The following FBXO9 variants were observed in gnomAD, a reference collection of about 807,000 sequenced individuals.
FBXO9 encodes F-box protein 9, also known as F-box only protein 9.
A neutral mutation model predicts 63.7 loss-of-function variants in FBXO9; 43 were observed. The observed-to-expected ratio is 0.67, with a 90% CI of 0.53 to 0.87. FBXO9 has a LOEUF of 0.87. FBXO9 is among the 40% of genes least tolerant of loss of function. The probability of loss-of-function intolerance (pLI) is 0.00; values close to 1 mark genes in which losing one functional copy is unlikely to be tolerated. For synonymous variants in FBXO9, 156 were observed against 171.7 expected, an observed-to-expected ratio of 0.91 and a Z score of 0.72; for missense variants, 442 against 533.2, an observed-to-expected ratio of 0.83 and a Z score of 1.68.
intron 3 of FBXO9, among the ~76,000 whole-genome samples, chr6:53,075,245 C>T (rs1393481525): frequency 2.0e-5 from 3 of 151,754 alleles, no homozygotes; most frequent in Non-Finnish European, 4.4e-5. Flanking sequence ...AAGCGATTCT[C>T]GTGCCTTGGC....
At chr6:53,066,006 C>T in intron 1 of FBXO9, 4 of 1,201,218 alleles carry the variant, frequency 3.3e-6, no homozygotes, top group Non-Finnish European at 4.2e-6. Flanking sequence ...TCCTGCTGAG[C>T]CTCCCCAACC....
At chr6:53,066,088 G>A (rs1768688837) in intron 1 of FBXO9, 2 of 1,201,184 alleles carry the variant, frequency 1.7e-6, no homozygotes, top group South Asian at 8.4e-5. Context: ...GGCTCACTGA[G>A]TATATTGAAC....
chr6:53,077,084 G>A (rs2127490905), intron 4 of FBXO9, among the ~76,000 whole-genome samples: 1 of 152,028 alleles, frequency 6.6e-6, no homozygotes, highest in African/African-American at 2.4e-5. Flanking sequence ...CTTTTTATAG[G>A]TGAAAATTGC....
intron 5 of FBXO9, 86 bp from the exon 6 acceptor site, chr6:53,080,881 CA>C (rs1769285940): frequency 2.7e-6 from 4 of 1,488,072 alleles, no homozygotes; most frequent in Non-Finnish European, 3.6e-6. Flanking sequence ...TTTTGTAAAG[CA>C]AATTTGAAAA....
At chr6:53,082,400 G>C in intron 6 of FBXO9, 104 bp from the exon 7 acceptor site, 1 of 658,598 alleles carries the variant, frequency 1.5e-6, no homozygotes, top group Non-Finnish European at 2.7e-6. Context: ...CAATACAGAG[G>C]GTGTGATTAT....
intron 1 of FBXO9, 129 bp from the exon 2 acceptor site, chr6:53,070,928 C>T: frequency 1.4e-6 from 2 of 1,457,578 alleles, no homozygotes; most frequent in South Asian, 1.4e-5. Context: ...AGCCTTGCTA[C>T]TCAAAGTGGG....
At chr6:53,073,442 C>T (rs202103769) in intron 2 of FBXO9, 39 bp from the exon 3 acceptor site, 61 of 1,589,210 alleles carry the variant, frequency 3.8e-5, no homozygotes, top group Non-Finnish European at 5.2e-5. Flanking sequence ...GTTGAGCTAC[C>T]CTTCCTTGAT....
At chr6:53,079,123 GA>G (rs1377557876) in intron 5 of FBXO9, among the ~76,000 whole-genome samples, 1 of 151,876 alleles carries the variant, frequency 6.6e-6, no homozygotes, top group Non-Finnish European at 1.5e-5. Context: ...AAAATAAACA[GA>G]TACAAAAAAA....
chr6:53,095,521 T>G lies in FBXO9; in HGVS notation c.1062T>G (p.Leu354=), dbSNP rs1763185226. The part of the protein sequence containing the change: ...VITKKKEEKP[L]DYKYRYFRRV... ...CATCTTTTCTTTTGCAGAAACCACT[T>G]GACTATAAATACAGATATTTTCGTC... Residue 354 remains leucine, a synonymous_variant, in exon 12 of 13, where the codon CTT becomes CTG. Transcript: ENST00000323557. The G allele has an allele frequency of 1.2e-6, 2 of 1,608,946 alleles. No individual in the cohort carries two copies. The highest frequency in any genetic ancestry group is 2.2e-5 in the South Asian group (2 of 89,858).
chr6:53,066,239 C>A, intron 1 of FBXO9: 1 of 757,644 alleles, frequency 1.3e-6, no homozygotes, highest in Non-Finnish European at 1.6e-6. Flanking sequence ...GCCAGGCCCA[C>A]CGACAGTCCC....
At position 53,092,842 on chromosome 6, in the gene FBXO9, T is replaced by C; in HGVS notation, c.863+18T>C. On this transcript the variant is annotated intron_variant, in intron 9 of 12. Transcript: ENST00000323557. ...TATTACAGGTACAACTGTAGTACAC[T>C]GAGTGAGTGGAAAATTCTCTCTCTC... The C allele has an allele frequency of 1.3e-6, 2 of 1,520,424 alleles. No individual in the cohort carries two copies. The highest frequency in any genetic ancestry group is 1.8e-6 in the Non-Finnish European group (2 of 1,109,394). The allele number at this position is 1,520,424 out of a possible 1,614,324, so 94.2% of individuals were successfully genotyped here.
At chr6:53,079,758 T>C (rs1769244485) in intron 5 of FBXO9, among the ~76,000 whole-genome samples, 1 of 152,160 alleles carries the variant, frequency 6.6e-6, no homozygotes, top group South Asian at 2.1e-4. Context: ...ATTCCCTCTG[T>C]CATGAAATAA....
Position 53,093,870 on chromosome 6 carries a change from T to TC in FBXO9, c.960-15_960-14insC. On this transcript the variant is annotated splice_polypyrimidine_tract_variant and intron_variant, in intron 10 of 12. Transcript: ENST00000323557. Reference sequence around the variant, plus strand: ...TAATAACTGATTTAGATTCAATTTGTTTTTTTTTTTTAAGGACTGATGCAA... The same window carrying TC: ...TAATAACTGATTTAGATTCAATTTGTCTTTTTTTTTTTAAGGACTGATGCAA... 1 of 894,360 alleles carries TC rather than the reference T, an allele frequency of 1.1e-6. No homozygotes were observed. The highest frequency in any genetic ancestry group is 1.5e-6 in the Non-Finnish European group (1 of 661,092). The allele number at this position is 894,360 out of a possible 1,614,324, so 55.4% of individuals were successfully genotyped here.
At chr6:53,067,114 A>C (rs1317258264) in intron 1 of FBXO9, among the ~76,000 whole-genome samples, 1 of 152,188 alleles carries the variant, frequency 6.6e-6, no homozygotes, top group East Asian at 1.9e-4. Flanking sequence ...TTAGCCTGGC[A>C]TAGTGTGAGA....
At chr6:53,067,676 G>A (rs1768756274) in intron 1 of FBXO9, among the ~76,000 whole-genome samples, 1 of 152,142 alleles carries the variant, frequency 6.6e-6, no homozygotes, top group African/African-American at 2.4e-5. Flanking sequence ...TGTACTTAGA[G>A]TTTGCAATAA....
At chr6:53,084,851 AGG>A (rs1769430544) in intron 7 of FBXO9, among the ~76,000 whole-genome samples, 1 of 152,096 alleles carries the variant, frequency 6.6e-6, no homozygotes, top group Admixed American at 6.6e-5. Flanking sequence ...TCTTGAGGCT[AGG>A]AAGTCAAAGA....
At chr6:53,077,668 G>T (rs1233942774) in intron 4 of FBXO9, among the ~76,000 whole-genome samples, 3 of 152,058 alleles carry the variant, frequency 2.0e-5, no homozygotes, top group Non-Finnish European at 2.9e-5. Flanking sequence ...TGCTTGAATC[G>T]TTTGAAAATG....
chr6:53,099,264 A>G lies in FBXO9; in HGVS notation c.*1434A>G, dbSNP rs1763292551. On this transcript the variant is annotated 3_prime_UTR_variant, in exon 13 of 13. Coordinates refer to ENST00000323557, the MANE Select transcript of FBXO9 (RefSeq NM_033480.3). ...AAAAATTAGCCAAGTACAGTGGGGC[A>G]CACCTATAGTCGCAGCTACTTGGGA... is the stretch of plus-strand genomic sequence containing the variant. 1 of 151,014 alleles carries G rather than the reference A, an allele frequency of 6.6e-6. No homozygotes were observed. The highest frequency in any genetic ancestry group is 6.6e-5 in the Admixed American group (1 of 15,106). 9.4% of individuals were successfully genotyped at this position (151,014 alleles called of 1,614,324 possible).
chr6:53,086,063 C>T (rs1453848942), intron 7 of FBXO9, among the ~76,000 whole-genome samples: 2 of 152,170 alleles, frequency 1.3e-5, no homozygotes, highest in Non-Finnish European at 2.9e-5. Flanking sequence ...GCAGGAGAAT[C>T]GCTTGAACCC....
Sources: allele counts gnomAD v4.1 joint callset (sites outside exome capture counted in the v4.1 genomes callset), GRCh38; gene constraint gnomAD v4.1.1; transcripts MANE v1.5; gene names NCBI Gene and HGNC (gene_info 2026-07-23, HGNC 2026-07-21).